PCDH9: variants seen among roughly 807,000 people sequenced by gnomAD.
PCDH9 encodes the protein protocadherin 9.
A neutral mutation model predicts 70.6 loss-of-function variants in PCDH9; 24 were observed. The observed-to-expected ratio is 0.34, with a 90% confidence interval of 0.25 to 0.48. The LOEUF (loss-of-function observed/expected upper bound fraction) is 0.48, where lower values mean the gene tolerates loss of function less well. PCDH9 is among the 20% of genes least tolerant of loss of function. The pLI, the probability that PCDH9 is intolerant of heterozygous loss-of-function variation, is 0.99. For missense variants in PCDH9, 1,281 were observed against 1,503.6 expected, an observed-to-expected ratio of 0.85 and a Z score of 2.45; for synonymous variants, 562 against 558.5, an observed-to-expected ratio of 1.01 and a Z score of -0.09.
chr13:66,627,400 A>G (rs1299235761), intron 4 of PCDH9, among the ~76,000 whole-genome samples: 1 of 152,182 alleles, frequency 6.6e-6, no homozygotes, highest in Non-Finnish European at 1.5e-5. Flanking sequence ...TAATTACCAA[A>G]AATGTGACTG....
intron 4 of PCDH9, among the ~76,000 whole-genome samples, chr13:66,467,025 T>C (rs1594026086): frequency 6.6e-6 from 1 of 152,098 alleles, no homozygotes; most frequent in East Asian, 1.9e-4. Context: ...GTGGCAAAAA[T>C]TTTGATGAAA....
At chr13:66,907,881 A>G (rs1195239921) in intron 2 of PCDH9, among the ~76,000 whole-genome samples, 2 of 152,214 alleles carry the variant, frequency 1.3e-5, no homozygotes, top group Non-Finnish European at 2.9e-5. Flanking sequence ...TGCAGTCATT[A>G]TAGAGGCAAT....
At chr13:66,783,332 C>A (rs550340649) in intron 3 of PCDH9, among the ~76,000 whole-genome samples, 1 of 152,132 alleles carries the variant, frequency 6.6e-6, no homozygotes, top group South Asian at 2.1e-4. Context: ...CCTACTCTGC[C>A]ATAGCTCAAA....
intron 2 of PCDH9, among the ~76,000 whole-genome samples, chr13:67,062,915 A>G (rs1389368567): frequency 2.6e-5 from 4 of 152,144 alleles, no homozygotes; most frequent in Admixed American, 1.3e-4. Flanking sequence ...AAAGCTTCCT[A>G]ATCAAGATCA....
intron 3 of PCDH9, among the ~76,000 whole-genome samples, chr13:66,742,036 T>A (rs1338619520): frequency 9.4e-6 from 1 of 105,984 alleles, no homozygotes. Context: ...CATTGCCAAG[T>A]CAATCCTAAG....
At chr13:66,834,198 C>A (rs1045661874) in intron 3 of PCDH9, among the ~76,000 whole-genome samples, 4 of 135,770 alleles carry the variant, frequency 2.9e-5, no homozygotes, top group African/African-American at 1.1e-4. Flanking sequence ...CACTCTATTG[C>A]CAAGGCTGGA....
intron 4 of PCDH9, among the ~76,000 whole-genome samples, chr13:66,374,177 T>C (rs922615717): frequency 1.3e-5 from 2 of 152,026 alleles, no homozygotes; most frequent in Non-Finnish European, 2.9e-5. Flanking sequence ...AAATCTGAAC[T>C]CACTTACCAG....
intron 4 of PCDH9, among the ~76,000 whole-genome samples, chr13:66,626,883 T>C (rs184208091): frequency 3.2e-4 from 48 of 152,040 alleles, no homozygotes; most frequent in African/African-American, 1.1e-3. Flanking sequence ...ATAATACTAA[T>C]AACCCAGAAG....
intron 2 of PCDH9, among the ~76,000 whole-genome samples, chr13:67,125,021 G>A (rs1401135265): frequency 6.6e-6 from 1 of 152,158 alleles, no homozygotes; most frequent in Non-Finnish European, 1.5e-5. Flanking sequence ...TGTTGGGCTT[G>A]GAGTCAGTGC....
At chr13:67,187,657 T>C (rs949502817) in intron 2 of PCDH9, among the ~76,000 whole-genome samples, 1 of 152,134 alleles carries the variant, frequency 6.6e-6, no homozygotes, top group African/African-American at 2.4e-5. Flanking sequence ...CATATTTATT[T>C]ATATTTTTAA....
chr13:66,702,015 C>T (rs1453270055), intron 3 of PCDH9, among the ~76,000 whole-genome samples: 1 of 152,100 alleles, frequency 6.6e-6, no homozygotes, highest in African/African-American at 2.4e-5. Flanking sequence ...ACATGCCCTT[C>T]GTCGGAAAGC....
chr13:66,775,220 T>C (rs768428611), intron 3 of PCDH9, among the ~76,000 whole-genome samples: 14 of 152,350 alleles, frequency 9.2e-5, no homozygotes, highest in Non-Finnish European at 1.3e-4. Flanking sequence ...TTAGGAAGCA[T>C]GTAGTAAAAT....
chr13:66,968,831 T>A (rs1192131262), intron 2 of PCDH9, among the ~76,000 whole-genome samples: 2 of 152,020 alleles, frequency 1.3e-5, no homozygotes, highest in Non-Finnish European at 2.9e-5. Flanking sequence ...TTAACTGTTA[T>A]AACAACCATT....
intron 4 of PCDH9, among the ~76,000 whole-genome samples, chr13:66,343,461 T>C (rs2138150749): frequency 6.6e-6 from 1 of 152,344 alleles, no homozygotes; most frequent in South Asian, 2.1e-4. Context: ...TTCCTTGCTC[T>C]TGTTGGCTGT....
chr13:66,553,793 T>C (rs1311928658), intron 4 of PCDH9, among the ~76,000 whole-genome samples: 1 of 152,180 alleles, frequency 6.6e-6, no homozygotes, highest in African/African-American at 2.4e-5. Context: ...GTTCCCCCTT[T>C]TACACATTTG....
chr13:67,072,851 T>C (rs1303204620), intron 2 of PCDH9, among the ~76,000 whole-genome samples: 2 of 152,164 alleles, frequency 1.3e-5, no homozygotes, highest in African/African-American at 4.8e-5. Context: ...GATATATGTA[T>C]TACATTAGAA....
intron 2 of PCDH9, among the ~76,000 whole-genome samples, chr13:67,138,839 A>G (rs1409171086): frequency 1.3e-5 from 2 of 152,212 alleles, no homozygotes; most frequent in Non-Finnish European, 2.9e-5. Context: ...ATTATTGAAA[A>G]TAGCCTATAC....
chr13:66,518,103 G>T (rs1268924447), intron 4 of PCDH9, among the ~76,000 whole-genome samples: 1 of 152,068 alleles, frequency 6.6e-6, no homozygotes, highest in Non-Finnish European at 1.5e-5. Flanking sequence ...TTTGGCTTCT[G>T]GGGAGATATG....
intron 3 of PCDH9, among the ~76,000 whole-genome samples, chr13:66,723,139 T>C (rs1049332363): frequency 2.6e-5 from 4 of 152,104 alleles, no homozygotes; most frequent in Non-Finnish European, 5.9e-5. Context: ...CTTTCTATTA[T>C]ATGCAATCAA....
Sources: allele counts gnomAD v4.1 joint callset (sites outside exome capture counted in the v4.1 genomes callset), GRCh38; gene constraint gnomAD v4.1.1; transcripts MANE v1.5; gene names NCBI Gene and HGNC (gene_info 2026-07-23, HGNC 2026-07-21).